MAML2: variants seen among roughly 807,000 people sequenced by gnomAD.
MAML2 encodes mastermind-like protein 2.
In MAML2, 22 loss-of-function variants were observed where a neutral mutation model predicts 96.1. The observed-to-expected ratio is 0.23, with a 90% CI of 0.16 to 0.33. The LOEUF is 0.33. Among genes scored for constraint, MAML2 ranks in the 10% least tolerant of loss-of-function variants. The probability of loss-of-function intolerance (pLI) is 1.00; values close to 1 mark genes in which losing one functional copy is unlikely to be tolerated. For synonymous variants in MAML2, 561 were observed against 521.3 expected (o/e 1.08, Z -1.04); for missense variants, 1,367 against 1,392.4 (o/e 0.98, Z 0.29).
At chr11:96,136,619 A>G (rs1860637699) in intron 1 of MAML2, among the ~76,000 whole-genome samples, 1 of 152,224 alleles carries the variant, frequency 6.6e-6, no homozygotes, top group Non-Finnish European at 1.5e-5. Context: ...AGCTAATAGC[A>G]TACTTCTAGT....
intron 1 of MAML2, among the ~76,000 whole-genome samples, chr11:96,262,021 A>G (rs1037829867): frequency 6.6e-6 from 1 of 152,220 alleles, no homozygotes; most frequent in Non-Finnish European, 1.5e-5. Flanking sequence ...AATGTTTTTA[A>G]AAGATGTCCT....
At chr11:96,295,681 A>AACACACACAC (rs71745057) in intron 1 of MAML2, among the ~76,000 whole-genome samples, 311 of 147,220 alleles carry the variant, frequency 2.1e-3, no homozygotes, top group African/African-American at 4.2e-3. Context: ...CTGCTGCTGT[A>AACACACACAC]ACACACACAC....
chr11:95,987,161 T>C (rs1305805885), intron 3 of MAML2, among the ~76,000 whole-genome samples: 1 of 152,212 alleles, frequency 6.6e-6, no homozygotes, highest in Non-Finnish European at 1.5e-5. Flanking sequence ...AAGAAGTAGC[T>C]ATCACTCATT....
chr11:96,050,583 G>T (rs1858974657), intron 2 of MAML2, among the ~76,000 whole-genome samples: 1 of 152,196 alleles, frequency 6.6e-6, no homozygotes, highest in Admixed American at 6.5e-5. Flanking sequence ...GATAAAGATG[G>T]TATGTGTCAA....
intron 2 of MAML2, among the ~76,000 whole-genome samples, chr11:96,026,499 A>G (rs1471678063): frequency 6.6e-6 from 1 of 152,164 alleles, no homozygotes; most frequent in Non-Finnish European, 1.5e-5. Flanking sequence ...TGCATATGTG[A>G]TAGATAAACC....
chr11:95,979,997 G>C, intron 4 of MAML2, 34 bp from the exon 5 acceptor site: 1 of 1,548,686 alleles, frequency 6.5e-7, no homozygotes, highest in Non-Finnish European at 8.8e-7. Flanking sequence ...TTAGTTCGTA[G>C]CAGCATGTTA....
chr11:96,021,424 C>A (rs1858433719), intron 2 of MAML2, among the ~76,000 whole-genome samples: 1 of 152,204 alleles, frequency 6.6e-6, no homozygotes, highest in African/African-American at 2.4e-5. Context: ...CAGATGAAAG[C>A]CTCCTTGTGG....
At chr11:96,204,156 T>C (rs946696145) in intron 1 of MAML2, among the ~76,000 whole-genome samples, 3 of 152,162 alleles carry the variant, frequency 2.0e-5, no homozygotes, top group Non-Finnish European at 4.4e-5. Flanking sequence ...ATGGGCCTTC[T>C]GACCAGCAGG....
intron 1 of MAML2, among the ~76,000 whole-genome samples, chr11:96,270,372 C>A (rs971195739): frequency 6.6e-6 from 1 of 152,082 alleles, no homozygotes. Flanking sequence ...TGTAGTGGTG[C>A]GATCTTGGCT....
intron 1 of MAML2, among the ~76,000 whole-genome samples, chr11:96,305,345 C>T (rs1042483605): frequency 6.6e-6 from 1 of 152,122 alleles, no homozygotes; most frequent in African/African-American, 2.4e-5. Flanking sequence ...ATGTCAACTA[C>T]AGACCTTGGG....
At chr11:96,098,555 G>A (rs1859872175) in intron 1 of MAML2, among the ~76,000 whole-genome samples, 1 of 152,226 alleles carries the variant, frequency 6.6e-6, no homozygotes, top group South Asian at 2.1e-4. Flanking sequence ...TTCAACAAGG[G>A]AAGTCCAGTC....
intron 1 of MAML2, among the ~76,000 whole-genome samples, chr11:96,105,874 G>GAAA (rs34049583): frequency 6.8e-6 from 1 of 147,748 alleles, no homozygotes; most frequent in African/African-American, 2.5e-5. Context: ...GGTTATAATG[G>GAAA]AAAAAAAAAA....
chr11:96,086,349 T>C (rs2135803877), intron 2 of MAML2, among the ~76,000 whole-genome samples: 2 of 152,300 alleles, frequency 1.3e-5, no homozygotes, highest in South Asian at 4.1e-4. Flanking sequence ...TAAATTTGAA[T>C]GGATGATGTT....
At chr11:96,176,789 T>A (rs892967655) in intron 1 of MAML2, among the ~76,000 whole-genome samples, 4 of 152,168 alleles carry the variant, frequency 2.6e-5, no homozygotes, top group Admixed American at 6.6e-5. Flanking sequence ...TGTCAGGCAC[T>A]TTAATCTTTC....
intron 1 of MAML2, among the ~76,000 whole-genome samples, chr11:96,312,895 A>C (rs1863564242): frequency 6.6e-6 from 1 of 152,198 alleles, no homozygotes. Context: ...TTGTATTGGA[A>C]TCTGAACTAG....
chr11:96,026,905 T>C (rs1858532733), intron 2 of MAML2, among the ~76,000 whole-genome samples: 1 of 148,766 alleles, frequency 6.7e-6, no homozygotes, highest in Admixed American at 6.7e-5. Flanking sequence ...AATAAATAAA[T>C]ACTCTAATCA....
intron 2 of MAML2, among the ~76,000 whole-genome samples, chr11:96,006,872 TACAC>T (rs57492080): frequency 0.034 from 4,274 of 123,954 alleles, 124 homozygotes; most frequent in Admixed American, 0.099. Flanking sequence ...GAATATCTTA[TACAC>T]ACACACACAC....
intron 2 of MAML2, among the ~76,000 whole-genome samples, chr11:96,073,040 A>G (rs938121484): frequency 6.6e-6 from 1 of 152,328 alleles, no homozygotes; most frequent in African/African-American, 2.4e-5. Flanking sequence ...TAAAAAAACT[A>G]TTATGGAAAC....
chr11:96,313,102 A>G (rs762419920), intron 1 of MAML2, among the ~76,000 whole-genome samples: 1 of 152,198 alleles, frequency 6.6e-6, no homozygotes, highest in African/African-American at 2.4e-5. Context: ...CAGTCTCACA[A>G]CCATCTAATC....
Sources: gnomAD v4.1 joint callset for allele counts (sites outside exome capture counted in the v4.1 genomes callset) on GRCh38, gnomAD v4.1.1 for gene constraint, MANE v1.5 for transcripts, NCBI Gene and HGNC (gene_info 2026-07-23, HGNC 2026-07-21) for gene names.